The following PCSK5 variants were observed in gnomAD, a reference collection of about 807,000 sequenced individuals.
PCSK5 encodes the protein proprotein convertase subtilisin/kexin type 5.
Under a neutral mutation model 233.2 loss-of-function variants are expected in PCSK5, and 129 were observed. That is an observed-to-expected ratio of 0.55 (90% CI 0.48 to 0.64). The LOEUF is 0.64. PCSK5 is among the 30% of genes least tolerant of loss of function. The probability of loss-of-function intolerance (pLI) is 0.00; values close to 1 mark genes in which losing one functional copy is unlikely to be tolerated. For synonymous variants in PCSK5, 825 were observed against 879.2 expected (o/e 0.94, Z 1.09); for missense variants, 2,076 against 2,430.1 (o/e 0.85, Z 3.06).
At chr9:76,211,901 T>C (rs1473622919) in intron 20 of PCSK5, among the ~76,000 whole-genome samples, 3 of 151,890 alleles carry the variant, frequency 2.0e-5, no homozygotes, top group Non-Finnish European at 4.4e-5. Context: ...GGTGGGTTGA[T>C]ACAAAATGCT....
At chr9:75,968,928 C>T (rs774971499) in intron 2 of PCSK5, among the ~76,000 whole-genome samples, 1 of 151,244 alleles carries the variant, frequency 6.6e-6, no homozygotes, top group Non-Finnish European at 1.5e-5. Flanking sequence ...TTTTTCTAAA[C>T]ATGGCCTTGG....
At chr9:76,145,037 A>G (rs140506282) in intron 10 of PCSK5, among the ~76,000 whole-genome samples, 3,626 of 152,222 alleles carry the variant, frequency 0.024, 162 homozygotes, top group African/African-American at 0.078. Context: ...AGGCAGGAGA[A>G]TCGCTTGAAC....
intron 20 of PCSK5, among the ~76,000 whole-genome samples, chr9:76,203,347 G>T (rs1430516432): frequency 6.6e-6 from 1 of 151,966 alleles, no homozygotes; most frequent in Non-Finnish European, 1.5e-5. Flanking sequence ...CATTCCCTGG[G>T]TACTCACTGT....
chr9:76,002,589 A>AT (rs1184685782), intron 3 of PCSK5, among the ~76,000 whole-genome samples: 1 of 152,234 alleles, frequency 6.6e-6, no homozygotes. Flanking sequence ...AGAGATGTAA[A>AT]TAGGCAGTAT....
chr9:76,330,575 T>A (rs2131478887), intron 33 of PCSK5, among the ~76,000 whole-genome samples: 1 of 152,134 alleles, frequency 6.6e-6, no homozygotes, highest in African/African-American at 2.4e-5. Context: ...ATAGTGAGAC[T>A]TCATCTCTAC....
chr9:75,926,967 T>G (rs1476550204), intron 1 of PCSK5, among the ~76,000 whole-genome samples: 1 of 152,196 alleles, frequency 6.6e-6, no homozygotes, highest in Non-Finnish European at 1.5e-5. Context: ...ATGTTTTAAT[T>G]TCTTTTGGGT....
At chr9:76,138,931 C>A (rs967224092) in intron 10 of PCSK5, among the ~76,000 whole-genome samples, 1 of 151,844 alleles carries the variant, frequency 6.6e-6, no homozygotes, top group Non-Finnish European at 1.5e-5. Context: ...CCTCCCCCAT[C>A]CCCACTGACT....
intron 21 of PCSK5, 80 bp downstream of exon 21, chr9:76,227,685 C>T (rs1825942049): frequency 4.7e-6 from 4 of 851,246 alleles, no homozygotes; most frequent in Non-Finnish European, 7.8e-6. Context: ...ACCATCTTAG[C>T]AGCACCTCAT....
intron 10 of PCSK5, among the ~76,000 whole-genome samples, chr9:76,152,345 G>T (rs572699188): frequency 6.6e-6 from 1 of 152,048 alleles, no homozygotes; most frequent in Non-Finnish European, 1.5e-5. Flanking sequence ...ATTTTAGCTG[G>T]GCTTTTACAT....
chr9:76,300,606 C>T (rs1344651991), intron 27 of PCSK5, among the ~76,000 whole-genome samples: 4 of 152,204 alleles, frequency 2.6e-5, no homozygotes, highest in African/African-American at 9.6e-5. Context: ...ATTTTGGCTT[C>T]TATCAAATTA....
Position 76,233,468 on chromosome 9 carries a change from A to C in PCSK5, c.2738A>C (p.Asp913Ala), listed in dbSNP as rs1021866446. The change falls in exon 22 of 38, where the codon GAT becomes GCT. Residue 913 changes from aspartate (D) to alanine (A), a missense_variant. By Grantham distance (126) the Asp-to-Ala change is moderately radical (BLOSUM62 -2). Transcript: ENST00000674117. Reference sequence around the variant, plus strand: ...GTCTGCTTTTCCTCTAGGATTTTTGATGATGGCCGCTGTGTTTCGAACTGC... The same window carrying C: ...GTCTGCTTTTCCTCTAGGATTTTTGCTGATGGCCGCTGTGTTTCGAACTGC... ...CTTCPMTRIF[D>A]DGRCVSNCPS... 10 of 1,612,682 alleles carry C rather than the reference A, an allele frequency of 6.2e-6. No homozygotes were observed. The highest frequency in any genetic ancestry group is 1.7e-5 in the Admixed American group (1 of 60,000).
chr9:76,297,871 C>A (rs1312293866), intron 27 of PCSK5, among the ~76,000 whole-genome samples: 6 of 152,032 alleles, frequency 3.9e-5, no homozygotes, highest in Non-Finnish European at 8.8e-5. Context: ...CTGTCTACTA[C>A]GGCAGTTTTA....
chr9:76,317,159 G>C (rs531643792), intron 30 of PCSK5, among the ~76,000 whole-genome samples: 1 of 152,094 alleles, frequency 6.6e-6, no homozygotes, highest in African/African-American at 2.4e-5. Flanking sequence ...TCAGGAGTTT[G>C]AGACCAGCCT....
At chr9:75,943,338 G>A (rs944591892) in intron 2 of PCSK5, among the ~76,000 whole-genome samples, 3 of 152,056 alleles carry the variant, frequency 2.0e-5, no homozygotes, top group African/African-American at 7.2e-5. Context: ...GATAAAATAA[G>A]CAAATCTAGG....
intron 20 of PCSK5, among the ~76,000 whole-genome samples, chr9:76,205,462 T>C (rs1239738871): frequency 6.6e-6 from 1 of 152,166 alleles, no homozygotes; most frequent in Non-Finnish European, 1.5e-5. Context: ...CACAAATTCT[T>C]TATGAGGCCA....
chr9:75,967,384 A>C (rs1011136468), intron 2 of PCSK5, among the ~76,000 whole-genome samples: 1 of 152,238 alleles, frequency 6.6e-6, no homozygotes, highest in South Asian at 2.1e-4. Flanking sequence ...TGCTTAGGAC[A>C]ATGGTCTCCA....
chr9:76,201,006 A>G (rs1053331655), intron 20 of PCSK5, among the ~76,000 whole-genome samples: 5 of 152,228 alleles, frequency 3.3e-5, no homozygotes, highest in African/African-American at 1.2e-4. Flanking sequence ...AGATTTGCTC[A>G]GTCCCCAGGC....
intron 1 of PCSK5, among the ~76,000 whole-genome samples, chr9:75,899,894 A>G (rs888384797): frequency 5.9e-5 from 9 of 152,192 alleles, no homozygotes; most frequent in African/African-American, 1.9e-4. Context: ...GAGAGCCACC[A>G]GAAGAAAGGG....
intron 37 of PCSK5, among the ~76,000 whole-genome samples, chr9:76,354,585 G>A (rs1360791650): frequency 6.6e-6 from 1 of 152,106 alleles, no homozygotes; most frequent in East Asian, 1.9e-4. Flanking sequence ...CTTGAGACCA[G>A]CCTGAGCAAC....
Sources: allele counts gnomAD v4.1 joint callset (sites outside exome capture counted in the v4.1 genomes callset), GRCh38; gene constraint gnomAD v4.1.1; transcripts MANE v1.5; gene names NCBI Gene and HGNC (gene_info 2026-07-23, HGNC 2026-07-21).